Variants in UNC13C observed in about 807,000 individuals in gnomAD.
The protein encoded by UNC13C is protein unc-13 homolog C.
Under a neutral mutation model 245.4 loss-of-function variants are expected in UNC13C, and 174 were observed. The observed-to-expected ratio is 0.71, with a 90% CI of 0.63 to 0.80. The LOEUF (loss-of-function observed/expected upper bound fraction) is 0.80. Among genes scored for constraint, UNC13C ranks in the 30% least tolerant of loss-of-function variants. The pLI, the probability that UNC13C is intolerant of heterozygous loss-of-function variation, is 0.00. For missense variants in UNC13C, 2,829 were observed against 2,602.9 expected (o/e 1.09, Z -1.89); for synonymous variants, 992 against 895.1 (o/e 1.11, Z -1.93).
chr15:54,451,780 T>C (rs1413820779), intron 19 of UNC13C, among the ~76,000 whole-genome samples: 6 of 152,254 alleles, frequency 3.9e-5, no homozygotes, highest in Non-Finnish European at 8.8e-5. Context: ...CATTGGAATA[T>C]GTAGCTGCAG....
intron 2 of UNC13C, among the ~76,000 whole-genome samples, chr15:54,083,623 C>A (rs1047180897): frequency 1.3e-5 from 2 of 152,110 alleles, no homozygotes; most frequent in Admixed American, 6.5e-5. Context: ...TGGGTGCTGC[C>A]CCTTCCAGAG....
chr15:54,283,251 A>G, intron 10 of UNC13C, among the ~76,000 whole-genome samples: 2 of 152,330 alleles, frequency 1.3e-5, no homozygotes, highest in Middle Eastern at 3.4e-3. Flanking sequence ...AATTATATAC[A>G]TACCTTCAAC....
chr15:54,631,623 AT>A (rs1352422073), downstream of UNC13C: 1 of 152,214 alleles, frequency 6.6e-6, no homozygotes, highest in Non-Finnish European at 1.5e-5. Context: ...TTGAGCCTGT[AT>A]AATTTCACTT....
intron 2 of UNC13C, among the ~76,000 whole-genome samples, chr15:54,034,733 A>C (rs1386655108): frequency 2.0e-5 from 3 of 152,176 alleles, no homozygotes; most frequent in Non-Finnish European, 2.9e-5. Context: ...TGAACTGTTT[A>C]AGATGTTTTG....
chr15:54,061,128 AAAAAAG>A (rs1158255671), intron 2 of UNC13C, among the ~76,000 whole-genome samples: 2 of 152,116 alleles, frequency 1.3e-5, no homozygotes, highest in African/African-American at 2.4e-5. Context: ...AATAATAAAA[AAAAAAG>A]GAATCTAAAT....
chr15:54,512,148 A>G (rs1424040047), intron 24 of UNC13C, among the ~76,000 whole-genome samples: 1 of 152,120 alleles, frequency 6.6e-6, no homozygotes, highest in Non-Finnish European at 1.5e-5. Context: ...AATTCCACAA[A>G]TTGTGTTTTT....
the UNC13C span, among the ~76,000 whole-genome samples, chr15:53,895,933 G>C: frequency 6.6e-6 from 1 of 151,594 alleles, no homozygotes; most frequent in Non-Finnish European, 1.5e-5. Context: ...TAAGATTGAG[G>C]CCACTTAGTC....
At chr15:53,898,943 A>G in the UNC13C span, among the ~76,000 whole-genome samples, 1 of 152,022 alleles carries the variant, frequency 6.6e-6, no homozygotes, top group Non-Finnish European at 1.5e-5. Context: ...ACACTTCTCC[A>G]TACACTGCCC....
At chr15:53,858,041 A>G in the UNC13C span, among the ~76,000 whole-genome samples, 1 of 152,210 alleles carries the variant, frequency 6.6e-6, no homozygotes, top group Non-Finnish European at 1.5e-5. Flanking sequence ...AATGACAAAC[A>G]TTGTTTTAGG....
chr15:54,205,570 G>A (rs759946750), intron 4 of UNC13C, among the ~76,000 whole-genome samples: 4 of 151,948 alleles, frequency 2.6e-5, no homozygotes, highest in East Asian at 1.9e-4. Flanking sequence ...TATAACCATA[G>A]TAATCGATGA....
At chr15:54,268,563 GA>G (rs2036606032) in intron 10 of UNC13C, among the ~76,000 whole-genome samples, 1 of 151,948 alleles carries the variant, frequency 6.6e-6, no homozygotes, top group South Asian at 2.1e-4. Flanking sequence ...AGGTATTATT[GA>G]GCTTAGTTCT....
Position 54,398,039 on chromosome 15 carries a change from T to C in UNC13C, c.4847+4858T>C, listed in dbSNP as rs138399193. On this transcript the variant is annotated intron_variant, in intron 18 of 32. Coordinates refer to ENST00000260323, the MANE Select transcript of UNC13C (RefSeq NM_001080534.3). ...CATTCTTGCCTTATTCCTAATCTCA[T>C]AGGGAAAGCATAGAGATTTTTACCA... 5.9e-5 allele frequency among the ~76,000 whole-genome samples: 9 copies of C among 151,532 alleles called. No individual in the cohort carries two copies. The East Asian group carries it at 7.7e-4, about 13-fold the overall frequency.
At chr15:54,507,578 A>C (rs1272309236) in intron 23 of UNC13C, among the ~76,000 whole-genome samples, 1 of 152,140 alleles carries the variant, frequency 6.6e-6, no homozygotes, top group African/African-American at 2.4e-5. Context: ...TTAGTCTTTC[A>C]GTTTTCAAAT....
chr15:54,578,044 A>T (rs1384417539), intron 30 of UNC13C, among the ~76,000 whole-genome samples: 1 of 152,238 alleles, frequency 6.6e-6, no homozygotes, highest in African/African-American at 2.4e-5. Flanking sequence ...TCTGGGCAGG[A>T]CATCAAAATC....
At chr15:54,547,739 A>T (rs1896548254) in intron 27 of UNC13C, among the ~76,000 whole-genome samples, 1 of 152,194 alleles carries the variant, frequency 6.6e-6, no homozygotes, top group Non-Finnish European at 1.5e-5. Context: ...GCTTAATGCC[A>T]TGAATGTGTG....
chr15:54,231,872 T>G (rs1330524088), intron 4 of UNC13C, among the ~76,000 whole-genome samples: 1 of 152,136 alleles, frequency 6.6e-6, no homozygotes, highest in Non-Finnish European at 1.5e-5. Flanking sequence ...ATTTTAACTG[T>G]GGTGCATGAA....
chr15:54,592,915 A>G (rs751617553), intron 30 of UNC13C, among the ~76,000 whole-genome samples: 3 of 131,742 alleles, frequency 2.3e-5, no homozygotes, highest in Non-Finnish European at 4.9e-5. Flanking sequence ...TGTGTAATTT[A>G]TGCTTTAAAG....
At chr15:54,545,583 A>G (rs1379566902) in intron 26 of UNC13C, among the ~76,000 whole-genome samples, 1 of 152,172 alleles carries the variant, frequency 6.6e-6, no homozygotes, top group Non-Finnish European at 1.5e-5. Context: ...CTTAAATCTT[A>G]GTCTACTTAA....
At chr15:54,341,012 A>G (rs2038715421) in intron 17 of UNC13C, among the ~76,000 whole-genome samples, 1 of 152,208 alleles carries the variant, frequency 6.6e-6, no homozygotes, top group Non-Finnish European at 1.5e-5. Context: ...TGGTGGGAAT[A>G]TAAATGTGTT....
Sources: gnomAD v4.1 joint callset for allele counts (sites outside exome capture counted in the v4.1 genomes callset) on GRCh38, gnomAD v4.1.1 for gene constraint, MANE v1.5 for transcripts, NCBI Gene and HGNC (gene_info 2026-07-23, HGNC 2026-07-21) for gene names.